TOX2: variants seen among roughly 807,000 people sequenced by gnomAD.
The protein encoded by TOX2 is TOX high mobility group box family member 2.
TOX2 carries 15 observed loss-of-function variants against 47.4 expected under a neutral mutation model. The ratio of observed to expected loss-of-function variants is 0.32; its 90% CI spans 0.21 to 0.49. TOX2 has a LOEUF of 0.49. Among genes scored for constraint, TOX2 ranks in the 20% least tolerant of loss-of-function variants. TOX2 has a pLI of 0.99. For synonymous variants in TOX2, 290 were observed against 296.6 expected (o/e 0.98, Z 0.23); for missense variants, 622 against 673.1 (o/e 0.92, Z 0.84).
At chr20:43,944,625 G>A (rs1209771304) in intron 1 of TOX2, among the ~76,000 whole-genome samples, 2 of 152,142 alleles carry the variant, frequency 1.3e-5, no homozygotes, top group African/African-American at 4.8e-5. Flanking sequence ...TTCCCAGGCC[G>A]TTCTCTCTGT....
intron 4 of TOX2, among the ~76,000 whole-genome samples, chr20:44,052,082 A>G (rs1444507093): frequency 6.6e-6 from 1 of 152,160 alleles, no homozygotes; most frequent in African/African-American, 2.4e-5. Flanking sequence ...TTTAGGAGAA[A>G]ATATTCTGAC....
intron 3 of TOX2, among the ~76,000 whole-genome samples, chr20:44,022,725 G>A (rs183610997): frequency 6.6e-6 from 1 of 152,280 alleles, no homozygotes; most frequent in East Asian, 1.9e-4. Flanking sequence ...GAGCCCCTCA[G>A]CCCTGGCATC....
chr20:44,011,895 G>T (rs2070782775), intron 3 of TOX2, among the ~76,000 whole-genome samples: 1 of 152,238 alleles, frequency 6.6e-6, no homozygotes, highest in South Asian at 2.1e-4. Context: ...TGCTTTGAAG[G>T]TATGGCAGCT....
At position 43,994,905 on chromosome 20, in the gene TOX2, G is replaced by A. The variant is rs908429838; in HGVS notation, c.166-11642G>A. On this transcript the variant is annotated intron_variant, in intron 2 of 8. Coordinates refer to ENST00000341197, the MANE Select transcript of TOX2 (RefSeq NM_001098797.2). Reference sequence around the variant, plus strand: ...GGTCAGGAACAGCCACAGAGCAGCCGTGGCTGGCAGCGTGGCACACTGCCG... The same window carrying A: ...GGTCAGGAACAGCCACAGAGCAGCCATGGCTGGCAGCGTGGCACACTGCCG... Among the ~76,000 whole-genome samples, 10 of 152,166 alleles carry A rather than the reference G, an allele frequency of 6.6e-5. No individual in the cohort carries two copies. The East Asian group carries it at 1.2e-3, about 18-fold the overall frequency.
chr20:43,985,639 A>G (rs2070250656), intron 2 of TOX2, among the ~76,000 whole-genome samples: 1 of 152,304 alleles, frequency 6.6e-6, no homozygotes, highest in South Asian at 2.1e-4. Flanking sequence ...GTGCTACTAA[A>G]ATCCCCATTT....
At chr20:43,969,946 C>G (rs1210512767) in intron 1 of TOX2, among the ~76,000 whole-genome samples, 1 of 152,202 alleles carries the variant, frequency 6.6e-6, no homozygotes, top group Non-Finnish European at 1.5e-5. Flanking sequence ...CCCTAACACA[C>G]TCGTGTCGGA....
chr20:44,020,091 T>A (rs1383086181), intron 3 of TOX2, among the ~76,000 whole-genome samples: 1 of 152,186 alleles, frequency 6.6e-6, no homozygotes, highest in East Asian at 1.9e-4. Context: ...TGTGCCACAG[T>A]TTCCTCCCAG....
chr20:44,017,502 C>T lies in TOX2; in HGVS notation c.411+10710C>T, dbSNP rs565289865. On this transcript the variant is annotated intron_variant, in intron 3 of 8. Transcript: ENST00000341197. ...ATGTGGAGCATCCCCAAGAACATCA[C>T]GATGGCCAGCCCCTTGCAGCACTGC... Among the ~76,000 whole-genome samples the T allele has an allele frequency of 3.3e-5, 5 of 152,312 alleles. No homozygotes were observed. The East Asian group carries it at 5.8e-4, about 18-fold the overall frequency.
intron 1 of TOX2, among the ~76,000 whole-genome samples, chr20:43,951,706 T>TG (rs200238511): frequency 3.4e-5 from 4 of 117,952 alleles, no homozygotes; most frequent in East Asian, 3.0e-4. Flanking sequence ...AAACTTATTA[T>TG]GTTTTTTTTT....
chr20:44,032,251 T>C (rs941262273), intron 3 of TOX2, among the ~76,000 whole-genome samples: 1 of 152,144 alleles, frequency 6.6e-6, no homozygotes, highest in Non-Finnish European at 1.5e-5. Flanking sequence ...TCACCTCCCA[T>C]GGTTTTCCAG....
chr20:44,042,756 T>C (rs2071352900), intron 3 of TOX2, among the ~76,000 whole-genome samples: 1 of 152,222 alleles, frequency 6.6e-6, no homozygotes, highest in South Asian at 2.1e-4. Context: ...GATCGGATTT[T>C]ATTCTAAGAG....
chr20:44,066,826 C>A lies in TOX2; in HGVS notation c.1453C>A (p.Pro485Thr). The change falls in exon 8 of 9, where the codon CCC becomes ACC. Residue 485 changes from proline (P) to threonine (T), a missense_variant. Pro to Thr is a conservative substitution (Grantham distance 38). Coordinates refer to ENST00000341197, the MANE Select transcript of TOX2 (RefSeq NM_001098797.2). ...TSSGDWDSSY[P>T]SGECGISTCS... ...CAGCGGGGACTGGGACAGCAGCTAC[C>A]CCAGTGGGGAGTGTGGCATCAGCAC... The A allele has an allele frequency of 1.2e-6, 2 of 1,614,132 alleles. No homozygotes were observed. The highest frequency in any genetic ancestry group is 3.3e-4 in the Middle Eastern group (2 of 6,062).
rs913596226 is a variant in TOX2 at position 44,006,927 on chromosome 20, A to C, written c.411+135A>C. On this transcript the variant is annotated intron_variant, in intron 3 of 8. Transcript: ENST00000341197. ...GGTCTGGGTTTACCTGGTTGCTTGG[A>C]GTTGGTAATCCCATGCTGGGATTAC... is the stretch of plus-strand genomic sequence containing the variant. 7.5e-6 allele frequency: 10 copies of C among 1,333,160 alleles called. 1 individual carries two copies. Among genetic ancestry groups the C allele is most frequent in the African/African-American group, 1.5e-5 (1 of 67,858 alleles). 82.6% of individuals were successfully genotyped at this position (1,333,160 alleles called of 1,614,324 possible).
intron 2 of TOX2, among the ~76,000 whole-genome samples, chr20:44,003,460 A>AT (rs1329605503): frequency 6.6e-6 from 1 of 152,062 alleles, no homozygotes; most frequent in Non-Finnish European, 1.5e-5. Flanking sequence ...AAGTGCTGGG[A>AT]TTATAGGCCA....
At chr20:43,945,563 C>T (rs1191963850) in intron 1 of TOX2, 5 of 258,748 alleles carry the variant, frequency 1.9e-5, no homozygotes, top group East Asian at 1.8e-4. Flanking sequence ...ATTTGCCTTC[C>T]GAAGGCTCTT....
intron 1 of TOX2, among the ~76,000 whole-genome samples, chr20:43,955,509 G>T (rs1049989347): frequency 2.0e-5 from 3 of 152,204 alleles, no homozygotes; most frequent in South Asian, 2.1e-4. Flanking sequence ...TTTAAAAGGA[G>T]AATTTTTTTT....
intron 2 of TOX2, among the ~76,000 whole-genome samples, chr20:43,981,570 G>T (rs557188262): frequency 1.1e-4 from 16 of 152,288 alleles, no homozygotes; most frequent in Non-Finnish European, 2.1e-4. Flanking sequence ...GATAGAAAAA[G>T]ACTTTTCACC....
In TOX2 at chr20:43,915,908, A is replaced by T. The variant is rs117935558; in HGVS notation, c.99+918A>T. ...GCTGCGCTGCGCCGGGCGCATTCCCAGTGATGGAGGCTTGCGTGCCTGGAA... is the reference window on the plus strand; with the variant it reads ...GCTGCGCTGCGCCGGGCGCATTCCCTGTGATGGAGGCTTGCGTGCCTGGAA... On this transcript the variant is annotated intron_variant, in intron 1 of 8. Transcript: ENST00000341197. The surrounding 1 kb of genome is among the most constrained non-coding windows in gnomAD (Gnocchi z 7.1). Among the ~76,000 whole-genome samples the T allele has an allele frequency of 2.0e-5, 3 of 152,262 alleles. No individual in the cohort carries two copies. The East Asian group carries it at 5.8e-4, about 29-fold the overall frequency.
intron 1 of TOX2, among the ~76,000 whole-genome samples, chr20:43,965,690 A>G (rs139494873): frequency 6.6e-6 from 1 of 152,246 alleles, no homozygotes; most frequent in East Asian, 1.9e-4. Flanking sequence ...CGATACAACA[A>G]AGGCACTGCC....
Sources: gnomAD v4.1 joint callset for allele counts (sites outside exome capture counted in the v4.1 genomes callset) on GRCh38, gnomAD v4.1.1 for gene constraint, Gnocchi (gnomAD v3.1) non-coding constraint, MANE v1.5 for transcripts, NCBI Gene and HGNC (gene_info 2026-07-23, HGNC 2026-07-21) for gene names.